The following GPR141 variants were observed in gnomAD, a reference collection of about 807,000 sequenced individuals.
GPR141 encodes the protein G protein-coupled receptor 141, also known as probable G protein-coupled receptor 141.
GPR141 carries 6 observed loss-of-function variants against 6.8 expected under a neutral mutation model. That is an observed-to-expected ratio of 0.88 (90% confidence interval 0.48 to 1.74). The LOEUF is 1.74. Ranked by LOEUF, GPR141 falls within the 40% of genes most tolerant of loss-of-function variation. The pLI is 0.01. For synonymous variants in GPR141, 140 were observed against 142.3 expected (o/e 0.98, Z 0.11); for missense variants, 372 against 372.9 (o/e 1.00, Z 0.02).
rs1583585950 is a variant in GPR141 at position 37,740,976 on chromosome 7, A to G, written c.583A>G (p.Ile195Val). Residue 195 changes from isoleucine to valine, a missense_variant, in exon 3 of 3, where the codon ATT (isoleucine) becomes GTT (valine). Coordinates refer to ENST00000334425, the MANE Select transcript of GPR141 (RefSeq NM_001381946.1). ...CATTTTTGTCATAGCCGTTGCTGTGATTCTGTTGGTCTTCCAGGTCTTCAT... is the reference window on the plus strand; with the variant it reads ...CATTTTTGTCATAGCCGTTGCTGTGGTTCTGTTGGTCTTCCAGGTCTTCAT... ...IVIFVIAVAV[I>V]LLVFQVFIIM... The G allele has an allele frequency of 6.2e-7, 1 of 1,613,996 alleles. No homozygotes were observed. The highest frequency in any genetic ancestry group is 2.2e-5 in the East Asian group (1 of 44,878).
At chr7:37,718,560 G>A (rs1811162652) in intron 2 of GPR141, among the ~76,000 whole-genome samples, 1 of 151,848 alleles carries the variant, frequency 6.6e-6, no homozygotes, top group Non-Finnish European at 1.5e-5. Context: ...AGGAAGGAAA[G>A]AAAGAAGGAA....
At chr7:37,712,093 C>T (rs752451922) in intron 2 of GPR141, among the ~76,000 whole-genome samples, 6 of 152,126 alleles carry the variant, frequency 3.9e-5, no homozygotes, top group East Asian at 1.9e-4. Context: ...TCTCATCTCC[C>T]GTTACTTGAT....
chr7:37,725,480 T>C (rs1411487069), intron 2 of GPR141, among the ~76,000 whole-genome samples: 1 of 152,206 alleles, frequency 6.6e-6, no homozygotes, highest in Non-Finnish European at 1.5e-5. Flanking sequence ...AGTTTCCTGC[T>C]CTGCCCTTGA....
chr7:37,714,768 G>C (rs191209757), intron 2 of GPR141, among the ~76,000 whole-genome samples: 15 of 152,108 alleles, frequency 9.9e-5, no homozygotes, highest in Admixed American at 9.8e-4. Context: ...TATGCCATTC[G>C]TGTAGCAAGC....
intron 2 of GPR141, among the ~76,000 whole-genome samples, chr7:37,689,777 G>A (rs1371987460): frequency 6.6e-6 from 1 of 150,990 alleles, no homozygotes; most frequent in African/African-American, 2.4e-5. Flanking sequence ...TTATTTATTT[G>A]GGTATTTTCT....
intron 2 of GPR141, among the ~76,000 whole-genome samples, chr7:37,737,051 C>T (rs1156789637): frequency 6.6e-6 from 1 of 151,816 alleles, no homozygotes; most frequent in Non-Finnish European, 1.5e-5. Context: ...AAACAAGAGT[C>T]AAAATTTCTA....
rs532495969 is a variant in GPR141, at chr7:37,729,168, G to A, written c.-14-11212G>A. Among the ~76,000 whole-genome samples the A allele has an allele frequency of 2.6e-5, 4 of 152,256 alleles. No individual in the cohort carries two copies. In the East Asian group the frequency reaches 7.7e-4, roughly 29 times the overall value. On this transcript the variant is annotated intron_variant, in intron 2 of 2. Coordinates refer to ENST00000334425, the MANE Select transcript of GPR141 (RefSeq NM_001381946.1). ...GCAAAGGGCTTACATGTCATGGTAG[G>A]AACTCAGAGTTTTTTCTTTTCTCTA... is the stretch of plus-strand genomic sequence containing the variant.
intron 2 of GPR141, chr7:37,730,172 T>G (rs1811850443): frequency 6.6e-6 from 1 of 152,252 alleles, no homozygotes; most frequent in Non-Finnish European, 1.5e-5. Context: ...CTTCTTTCTC[T>G]TCTCTCTTTT....
At chr7:37,688,157 C>G (rs190003011) in intron 2 of GPR141, among the ~76,000 whole-genome samples, 44 of 152,224 alleles carry the variant, frequency 2.9e-4, no homozygotes, top group Non-Finnish European at 5.9e-4. Context: ...ATGTAGTAGG[C>G]TGGGCGCGGT....
chr7:37,691,376 C>T (rs919221253), intron 2 of GPR141, among the ~76,000 whole-genome samples: 3 of 149,112 alleles, frequency 2.0e-5, no homozygotes, highest in African/African-American at 4.9e-5. Flanking sequence ...CTCACTGCAA[C>T]CTCTGCCTCC....
chr7:37,738,469 A>G (rs1239504484), intron 2 of GPR141, among the ~76,000 whole-genome samples: 1 of 152,166 alleles, frequency 6.6e-6, no homozygotes, highest in Non-Finnish European at 1.5e-5. Flanking sequence ...CTACTTTTCT[A>G]CAAGGAAAAA....
chr7:37,734,140 T>C (rs1471181847), intron 2 of GPR141, among the ~76,000 whole-genome samples: 2 of 152,088 alleles, frequency 1.3e-5, no homozygotes, highest in African/African-American at 2.4e-5. Flanking sequence ...GCCACTGCAC[T>C]CCAGCCTGGG....
intron 2 of GPR141, among the ~76,000 whole-genome samples, chr7:37,691,555 A>C (rs1809769493): frequency 1.3e-5 from 2 of 151,640 alleles, no homozygotes; most frequent in African/African-American, 4.8e-5. Flanking sequence ...TTGTGGTTTG[A>C]TGATTTTCTG....
intron 2 of GPR141, chr7:37,709,767 C>T (rs1378711215): frequency 6.6e-6 from 1 of 152,170 alleles, no homozygotes; most frequent in Non-Finnish European, 1.5e-5. Flanking sequence ...GGATGTTTCC[C>T]TCCAATGGCA....
chr7:37,714,950 T>C (rs1260975092), intron 2 of GPR141, among the ~76,000 whole-genome samples: 2 of 152,250 alleles, frequency 1.3e-5, no homozygotes, highest in Non-Finnish European at 2.9e-5. Flanking sequence ...ATAGCATTTC[T>C]TTTCTGGATA....
rs545066305 is a variant in GPR141, at chr7:37,741,688, C to G, written c.*377C>G. On this transcript the variant is annotated 3_prime_UTR_variant, in exon 3 of 3. Transcript: ENST00000334425. ...TTGGACTGAACTCAGACCTTTAGTT[C>G]TTTTCATCCCACTTCACCTTAGGTA... 1.3e-5 allele frequency among the ~76,000 whole-genome samples: 2 copies of G among 152,138 alleles called. No individual in the cohort carries two copies. The highest frequency in any genetic ancestry group is 1.5e-5 in the Non-Finnish European group (1 of 68,020).
intron 2 of GPR141, among the ~76,000 whole-genome samples, chr7:37,686,766 T>G (rs1412470615): frequency 1.3e-5 from 2 of 152,162 alleles, no homozygotes; most frequent in African/African-American, 4.8e-5. Context: ...TAACTGTGAT[T>G]TCAAAATAAT....
At chr7:37,698,192 C>T (rs919203772) in intron 2 of GPR141, among the ~76,000 whole-genome samples, 3 of 152,138 alleles carry the variant, frequency 2.0e-5, no homozygotes, top group African/African-American at 7.2e-5. Context: ...TTCATCAAGC[C>T]TCAGCTTCTC....
At chr7:37,732,357 T>C (rs908609822) in intron 2 of GPR141, among the ~76,000 whole-genome samples, 1 of 151,456 alleles carries the variant, frequency 6.6e-6, no homozygotes, top group African/African-American at 2.4e-5. Flanking sequence ...ACCTTGAGAG[T>C]GATGAGTTGC....
Sources: allele counts gnomAD v4.1 joint callset (sites outside exome capture counted in the v4.1 genomes callset), GRCh38; gene constraint gnomAD v4.1.1; transcripts MANE v1.5; gene names NCBI Gene and HGNC (gene_info 2026-07-23, HGNC 2026-07-21).